Variants in ANK1 observed in about 807,000 individuals in gnomAD.
ANK1 encodes the protein ankyrin 1, also known as ankyrin-1.
Under a neutral mutation model 210.4 loss-of-function variants are expected in ANK1, and 51 were observed. The observed-to-expected ratio is 0.24, with a 90% CI of 0.19 to 0.31. ANK1 has a LOEUF of 0.31. Ranked by LOEUF, ANK1 falls within the 10% of genes least tolerant of loss-of-function variation. ANK1 has a pLI of 1.00. For synonymous variants in ANK1, 967 were observed against 1,025.9 expected, an observed-to-expected ratio of 0.94 and a Z score of 1.10; for missense variants, 2,051 against 2,504.4, an observed-to-expected ratio of 0.82 and a Z score of 3.86.
intron 1 of ANK1, among the ~76,000 whole-genome samples, chr8:41,807,597 C>T (rs527773176): frequency 3.3e-5 from 5 of 152,002 alleles, no homozygotes; most frequent in Non-Finnish European, 5.9e-5. Flanking sequence ...ATGGATCACA[C>T]GGTGCTGGTG....
intron 1 of ANK1, among the ~76,000 whole-genome samples, chr8:41,794,014 A>G (rs1848258364): frequency 6.6e-6 from 1 of 152,238 alleles, no homozygotes; most frequent in Non-Finnish European, 1.5e-5. Flanking sequence ...CTACAATTGC[A>G]TGATAACACC....
chr8:41,780,522 G>A (rs550430952), intron 1 of ANK1, among the ~76,000 whole-genome samples: 1 of 152,340 alleles, frequency 6.6e-6, no homozygotes, highest in Non-Finnish European at 1.5e-5. Context: ...CGGGTGCAGA[G>A]GGGAGGGGAC....
Position 41,718,116 on chromosome 8 carries a change from G to A in ANK1, c.1196C>T (p.Ala399Val), listed in dbSNP as rs753718191. 62 of 1,613,734 alleles carry A rather than the reference G, an allele frequency of 3.8e-5. No homozygotes were observed. The highest frequency in any genetic ancestry group is 1.9e-4 in the South Asian group (17 of 91,080). The change falls in exon 11 of 43, where the codon GCG becomes GTG. Residue 399 changes from alanine (A) to valine (V), a missense_variant. Transcript: ENST00000289734. ...LLLKTGASID[A>V]VTESGLTPLH... ...TGCAGTCTCTCCTACCTCGGTGACC[G>A]CGTCGATCGAGGCTCCCGTCTTCAG...
In ANK1 at chr8:41,704,085, T is replaced by G. The variant is rs1414462167; in HGVS notation, c.2251A>C (p.Thr751Pro). 1 of 1,613,916 alleles carries G rather than the reference T, an allele frequency of 6.2e-7. No individual in the cohort carries two copies. Among genetic ancestry groups the G allele is most frequent in the African/African-American group, 1.3e-5 (1 of 74,872 alleles). ...GAAGCACCGTTTTTCAGAAGCAGAGTCACGATGTCTGTGTGTCCCTGCTGG... is the reference window on the plus strand; with the variant it reads ...GAAGCACCGTTTTTCAGAAGCAGAGGCACGATGTCTGTGTGTCCCTGCTGG... The part of the protein sequence containing the change: ...AAQQGHTDIV[T>P]LLLKNGASPN... The change falls in exon 20 of 43, where the codon ACT becomes CCT. Residue 751 changes from threonine (T) to proline (P), a missense_variant. Transcript: ENST00000289734. The surrounding 1 kb of genome is among the most constrained non-coding windows in gnomAD (Gnocchi z 4.1).
upstream of ANK1, among the ~76,000 whole-genome samples, chr8:41,798,493 A>T (rs1012474411): frequency 6.6e-6 from 1 of 152,188 alleles, no homozygotes; most frequent in African/African-American, 2.4e-5. Context: ...AGGCTGGACC[A>T]TCCCAGGCCA....
At chr8:41,785,761 T>C (rs1259881296) in intron 1 of ANK1, among the ~76,000 whole-genome samples, 1 of 152,134 alleles carries the variant, frequency 6.6e-6, no homozygotes, top group Non-Finnish European at 1.5e-5. Flanking sequence ...CTTCCTTCCT[T>C]TCCAGATCAC....
intron 3 of ANK1, among the ~76,000 whole-genome samples, chr8:41,729,565 A>AT (rs1488212220): frequency 2.0e-5 from 3 of 152,068 alleles, no homozygotes; most frequent in South Asian, 4.1e-4. Context: ...CAATTTTTAA[A>AT]TTTTTTTGTA....
intron 17 of ANK1, 151 bp downstream of exon 17, chr8:41,708,627 T>C: frequency 2.2e-6 from 2 of 917,164 alleles, no homozygotes; most frequent in Non-Finnish European, 3.5e-6. Context: ...TATTCATTTA[T>C]AAAATGAAGG....
At chr8:41,718,012 G>C (rs1828175917) in intron 11 of ANK1, 94 bp downstream of exon 11, 2 of 1,209,044 alleles carry the variant, frequency 1.7e-6, no homozygotes, top group Non-Finnish European at 2.4e-6. Flanking sequence ...ACACACCCCT[G>C]CAGCCATACA....
chr8:41,893,957 A>T (rs1819948231), intron 1 of ANK1, among the ~76,000 whole-genome samples: 1 of 152,118 alleles, frequency 6.6e-6, no homozygotes, highest in Non-Finnish European at 1.5e-5. Flanking sequence ...GCCCCTTGTA[A>T]GCTTTCTTCA....
chr8:41,858,345 C>CA (rs59851207), intron 1 of ANK1, among the ~76,000 whole-genome samples: 3,810 of 96,764 alleles, frequency 0.039, 184 homozygotes, highest in African/African-American at 0.11. Flanking sequence ...GACTCCATCT[C>CA]AAAAAAAAAA....
chr8:41,698,502 C>T (rs891248029), intron 23 of ANK1, among the ~76,000 whole-genome samples: 1 of 151,642 alleles, frequency 6.6e-6, no homozygotes, highest in African/African-American at 2.4e-5. Flanking sequence ...GAGTAAATGG[C>T]CCAGTGGTTT....
intron 1 of ANK1, among the ~76,000 whole-genome samples, chr8:41,855,894 C>T (rs1008632262): frequency 6.6e-6 from 1 of 152,032 alleles, no homozygotes; most frequent in Non-Finnish European, 1.5e-5. Flanking sequence ...TAGTGTAGGC[C>T]GGGCCTGGAG....
At chr8:41,862,822 C>A (rs1043521228) in intron 1 of ANK1, among the ~76,000 whole-genome samples, 1 of 151,100 alleles carries the variant, frequency 6.6e-6, no homozygotes, top group Non-Finnish European at 1.5e-5. Context: ...CCAGCCTGGG[C>A]AACATGGCAA....
intron 37 of ANK1, among the ~76,000 whole-genome samples, chr8:41,678,928 C>T (rs1308420121): frequency 3.9e-5 from 6 of 152,064 alleles, no homozygotes; most frequent in East Asian, 1.9e-4. Context: ...GGATTATAGG[C>T]GCCTGCCACC....
At chr8:41,721,673 A>G (rs1041988633) in intron 9 of ANK1, among the ~76,000 whole-genome samples, 2 of 146,474 alleles carry the variant, frequency 1.4e-5, no homozygotes, top group Non-Finnish European at 3.0e-5. Context: ...AAAAAAAAAA[A>G]AAAAAAAAAA....
intron 23 of ANK1, 50 bp downstream of exon 23, chr8:41,699,402 C>T (rs763019472): frequency 3.2e-6 from 5 of 1,548,238 alleles, no homozygotes; most frequent in Non-Finnish European, 4.5e-6. Flanking sequence ...CTCTGAGCCA[C>T]AGGGTTGCAT....
At chr8:41,884,076 C>T (rs543310121) in intron 1 of ANK1, among the ~76,000 whole-genome samples, 37 of 152,280 alleles carry the variant, frequency 2.4e-4, no homozygotes, top group Non-Finnish European at 1.5e-5. Flanking sequence ...TACGGCTGAG[C>T]GCAGTGGCTC....
intron 5 of ANK1, 143 bp from the exon 6 acceptor site, chr8:41,726,089 C>T: frequency 2.2e-6 from 2 of 901,160 alleles, no homozygotes; most frequent in Non-Finnish European, 3.5e-6. Flanking sequence ...TCTTCATCCG[C>T]CAAGTTTAGC....
Sources: gnomAD v4.1 joint callset for allele counts (sites outside exome capture counted in the v4.1 genomes callset) on GRCh38, gnomAD v4.1.1 for gene constraint, Gnocchi (gnomAD v3.1) non-coding constraint, MANE v1.5 for transcripts, NCBI Gene and HGNC (gene_info 2026-07-23, HGNC 2026-07-21) for gene names.